Variants in FNBP1L observed in about 807,000 individuals in gnomAD.
The protein encoded by FNBP1L is formin-binding protein 1-like.
Under a neutral mutation model 91.2 loss-of-function variants are expected in FNBP1L, and 36 were observed. The observed-to-expected ratio is 0.39, with a 90% CI of 0.30 to 0.52. The LOEUF (loss-of-function observed/expected upper bound fraction) is 0.52, where lower values mean the gene tolerates loss of function less well. Among genes scored for constraint, FNBP1L ranks in the 20% least tolerant of loss-of-function variants. FNBP1L has a pLI of 0.66. For missense variants in FNBP1L, 571 were observed against 732.1 expected (o/e 0.78, Z 2.54); for synonymous variants, 242 against 237.0 (o/e 1.02, Z -0.19).
chr1:93,472,764 A>T (rs998729102), intron 1 of FNBP1L, among the ~76,000 whole-genome samples: 7 of 131,358 alleles, frequency 5.3e-5, no homozygotes. Flanking sequence ...GTGAGCCGAG[A>T]TTGCGCCACT....
At chr1:93,551,353 T>C (rs1672408763) in intron 16 of FNBP1L, 1 of 1,154,736 alleles carries the variant, frequency 8.7e-7, no homozygotes. Flanking sequence ...TGCCTTTTGC[T>C]TTATGTCCCG....
chr1:93,501,746 A>G (rs17110011), intron 2 of FNBP1L, among the ~76,000 whole-genome samples: 3,504 of 152,308 alleles, frequency 0.023, 150 homozygotes, highest in African/African-American at 0.08. Flanking sequence ...TACAGAGTGA[A>G]AAAGTAAATA....
At chr1:93,456,986 T>A (rs1668692014) in intron 1 of FNBP1L, among the ~76,000 whole-genome samples, 1 of 152,126 alleles carries the variant, frequency 6.6e-6, no homozygotes, top group African/African-American at 2.4e-5. Flanking sequence ...CCTACCTGGC[T>A]CAGGTGATCC....
intron 1 of FNBP1L, among the ~76,000 whole-genome samples, chr1:93,451,148 G>GT (rs1423798465): frequency 6.6e-6 from 1 of 152,188 alleles, no homozygotes; most frequent in African/African-American, 2.4e-5. Flanking sequence ...AGGATGCGTG[G>GT]TAACATCTTA....
At chr1:93,514,073 C>T (rs1376532982) in intron 2 of FNBP1L, among the ~76,000 whole-genome samples, 2 of 151,586 alleles carry the variant, frequency 1.3e-5, no homozygotes. Flanking sequence ...TCAGCAAAGT[C>T]TCAGGATACA....
intron 5 of FNBP1L, among the ~76,000 whole-genome samples, 190 bp from the exon 6 acceptor site, chr1:93,529,462 T>TAA (rs1378008747): frequency 7.9e-5 from 12 of 152,278 alleles, no homozygotes; most frequent in Admixed American, 7.8e-4. Flanking sequence ...TTATTATACT[T>TAA]TAAGTTCTGG....
At chr1:93,512,033 T>C (rs866311364) in intron 2 of FNBP1L, among the ~76,000 whole-genome samples, 2,950 of 149,744 alleles carry the variant, frequency 0.02, 52 homozygotes, top group Middle Eastern at 0.05. Context: ...ACCCATCTCA[T>C]GTGCAGAGAC....
chr1:93,552,161 G>A, intron 16 of FNBP1L: 1 of 1,229,704 alleles, frequency 8.1e-7, no homozygotes, highest in Non-Finnish European at 1.0e-6. Flanking sequence ...GAAACACTGT[G>A]CAGTCAAGGA....
At chr1:93,470,170 T>C (rs1254532587) in intron 1 of FNBP1L, among the ~76,000 whole-genome samples, 1 of 152,184 alleles carries the variant, frequency 6.6e-6, no homozygotes, top group East Asian at 1.9e-4. Flanking sequence ...TCTAGCTCTG[T>C]TGCCCAGGCT....
rs182861874 is a variant in FNBP1L, at chr1:93,553,553, T to C, written c.*1137T>C. On this transcript the variant is annotated 3_prime_UTR_variant, in exon 17 of 17. Coordinates refer to ENST00000271234, the MANE Select transcript of FNBP1L (RefSeq NM_001164473.3). ...GAGAAGTTTTATGGGCCTCCCCCAA[T>C]TGTCTTTTTATTTTGGGTTATGACG... is the stretch of plus-strand genomic sequence containing the variant. 1 of 152,744 alleles carries C rather than the reference T, an allele frequency of 6.5e-6. No individual in the cohort carries two copies. The highest frequency in any genetic ancestry group is 1.9e-4 in the East Asian group (1 of 5,188). The allele number at this position is 152,744 out of a possible 1,614,324, so 9.5% of individuals were successfully genotyped here.
chr1:93,499,579 T>A lies in FNBP1L; in HGVS notation c.136T>A (p.Leu46Met). ...IEIEQNYAKQ[L>M]RNLVKKYCPK... ...AATTGAACAGAACTATGCGAAACAA[T>A]TGAGGTAAGTTAATTTTTTTTTCAG... is the stretch of plus-strand genomic sequence containing the variant. The change falls in exon 2 of 17, where the codon TTG becomes ATG. Residue 46 changes from leucine (L) to methionine (M), a missense_variant. Transcript: ENST00000271234. 1 of 1,545,390 alleles carries A rather than the reference T, an allele frequency of 6.5e-7. No homozygotes were observed. The highest frequency in any genetic ancestry group is 1.4e-5 in the African/African-American group (1 of 72,138).
intron 1 of FNBP1L, among the ~76,000 whole-genome samples, chr1:93,478,612 G>A (rs1423196685): frequency 6.6e-6 from 1 of 152,120 alleles, no homozygotes; most frequent in East Asian, 1.9e-4. Context: ...AAGGTATGAA[G>A]CCTTGAGTAC....
chr1:93,450,351 AAG>A (rs1373756950), intron 1 of FNBP1L, among the ~76,000 whole-genome samples: 2 of 152,206 alleles, frequency 1.3e-5, no homozygotes, highest in Non-Finnish European at 2.9e-5. Context: ...AATTCTGAAA[AAG>A]ATTTTTAATT....
intron 6 of FNBP1L, among the ~76,000 whole-genome samples, chr1:93,530,129 T>C (rs1375764845): frequency 6.6e-6 from 1 of 152,048 alleles, no homozygotes; most frequent in Non-Finnish European, 1.5e-5. Flanking sequence ...AACTGTATTC[T>C]AAATAAGCAT....
In FNBP1L at chr1:93,552,463, C is replaced by T. The variant is rs1382689079; in HGVS notation, c.*47C>T. 2 of 1,608,558 alleles carry T rather than the reference C, an allele frequency of 1.2e-6. No individual in the cohort carries two copies. Among genetic ancestry groups the T allele is most frequent in the Admixed American group, 3.4e-5 (2 of 59,606 alleles). On this transcript the variant is annotated 3_prime_UTR_variant, in exon 17 of 17. Transcript: ENST00000271234. ...GCAAGATGTTGAAGGAGGTTACATG[C>T]AGCTGCTTTTGGGGGAGGGTATTAG...
chr1:93,511,641 A>G (rs1670846504), intron 2 of FNBP1L, among the ~76,000 whole-genome samples: 1 of 152,228 alleles, frequency 6.6e-6, no homozygotes, highest in African/African-American at 2.4e-5. Context: ...AAATGCTCCA[A>G]TTAAAAGACA....
chr1:93,543,821 A>G (rs1399369027), intron 11 of FNBP1L: 3 of 195,884 alleles, frequency 1.5e-5, no homozygotes, highest in Non-Finnish European at 3.2e-5. Flanking sequence ...AAGTAATGTG[A>G]TACTACCTAC....
At chr1:93,464,793 G>A (rs1669017898) in intron 1 of FNBP1L, among the ~76,000 whole-genome samples, 1 of 152,016 alleles carries the variant, frequency 6.6e-6, no homozygotes, top group Non-Finnish European at 1.5e-5. Flanking sequence ...TTTACTTGTG[G>A]GTTTAGTGAT....
At chr1:93,448,843 C>T (rs1051980813) in intron 1 of FNBP1L, among the ~76,000 whole-genome samples, 3 of 152,110 alleles carry the variant, frequency 2.0e-5, no homozygotes, top group Non-Finnish European at 2.9e-5. Context: ...TATGGGGACC[C>T]AGGCGGCTTT....
Sources: gnomAD v4.1 joint callset for allele counts (sites outside exome capture counted in the v4.1 genomes callset) on GRCh38, gnomAD v4.1.1 for gene constraint, MANE v1.5 for transcripts, NCBI Gene and HGNC (gene_info 2026-07-23, HGNC 2026-07-21) for gene names.